RBM20: variants seen among roughly 807,000 people sequenced by gnomAD.
RBM20 encodes RNA binding motif protein 20.
A neutral mutation model predicts 110.1 loss-of-function variants in RBM20; 51 were observed. That is an observed-to-expected ratio of 0.46 (90% CI 0.37 to 0.59). The LOEUF is 0.59. Ranked by LOEUF, RBM20 falls within the 20% of genes least tolerant of loss-of-function variation. The probability of loss-of-function intolerance (pLI) is 0.00; values close to 1 mark genes in which losing one functional copy is unlikely to be tolerated. For synonymous variants in RBM20, 589 were observed against 618.2 expected, an observed-to-expected ratio of 0.95 and a Z score of 0.70; for missense variants, 1,512 against 1,574.9, an observed-to-expected ratio of 0.96 and a Z score of 0.68.
At chr10:110,769,877 C>G (rs10885042) in intron 1 of RBM20, among the ~76,000 whole-genome samples, 1 of 151,588 alleles carries the variant, frequency 6.6e-6, no homozygotes, top group African/African-American at 2.4e-5. Flanking sequence ...CGCCACCATG[C>G]CTGGCCAATC....
In RBM20 at chr10:110,797,296, A is replaced by AAT. The variant is rs368264922; in HGVS notation, c.1528-198_1528-197dup. Among the ~76,000 whole-genome samples, 3,176 of 151,490 alleles carry AAT rather than the reference A, an allele frequency of 0.021. 107 individuals are homozygous for AAT. Among genetic ancestry groups the AAT allele is most frequent in the African/African-American group, 0.072 (2,957 of 41,298 alleles). On this transcript the variant is annotated intron_variant, in intron 5 of 13. Coordinates refer to ENST00000369519, the MANE Select transcript of RBM20 (RefSeq NM_001134363.3). Reference sequence around the variant, plus strand: ...GATGGGAGTGAGACCCGGTCTCAAAAATATATATATATATAATGAATCCTT... The same window carrying AAT: ...GATGGGAGTGAGACCCGGTCTCAAAAATATATATATATATATAATGAATCCTT...
chr10:110,805,027 G>C (rs768101453), intron 7 of RBM20, among the ~76,000 whole-genome samples: 1 of 152,218 alleles, frequency 6.6e-6, no homozygotes, highest in Non-Finnish European at 1.5e-5. Flanking sequence ...CTTGTGAATG[G>C]TCCATGGTGC....
At chr10:110,655,769 T>C (rs75401131) in intron 1 of RBM20, among the ~76,000 whole-genome samples, 2,005 of 152,326 alleles carry the variant, frequency 0.013, 48 homozygotes, top group African/African-American at 0.046. Flanking sequence ...TGGGGAAGGA[T>C]TGTGCCTTTT....
chr10:110,681,140 C>A (rs564736076), intron 1 of RBM20, among the ~76,000 whole-genome samples: 4 of 152,296 alleles, frequency 2.6e-5, no homozygotes, highest in African/African-American at 9.6e-5. Flanking sequence ...GAGACCTCTG[C>A]AGAAGGCATT....
chr10:110,704,849 C>T (rs1444039102), intron 1 of RBM20, among the ~76,000 whole-genome samples: 4 of 152,070 alleles, frequency 2.6e-5, no homozygotes, highest in Admixed American at 6.5e-5. Context: ...TTGGTGCCAC[C>T]GATGGCTGAG....
intron 1 of RBM20, among the ~76,000 whole-genome samples, chr10:110,666,698 C>T (rs1179185009): frequency 2.7e-5 from 3 of 109,144 alleles, no homozygotes; most frequent in Non-Finnish European, 5.7e-5. Context: ...AGGCTGAGAT[C>T]CTAACTCACA....
chr10:110,676,212 G>A (rs1466039288), intron 1 of RBM20, among the ~76,000 whole-genome samples: 1 of 152,170 alleles, frequency 6.6e-6, no homozygotes, highest in Non-Finnish European at 1.5e-5. Flanking sequence ...CATAAAATCT[G>A]GTGCCAATTG....
intron 1 of RBM20, among the ~76,000 whole-genome samples, chr10:110,743,541 TACACACACAC>T (rs56256343): frequency 2.0e-5 from 3 of 150,488 alleles, no homozygotes; most frequent in South Asian, 4.2e-4. Context: ...AGTTTATACA[TACACACACAC>T]ACACACACAA....
rs1421547378 is a variant in RBM20, at chr10:110,835,956, G to A, written c.3662G>A (p.Arg1221His). ...CCAGAGGACAGCGGAATCGTGCCAC[G>A]CTTCGAAAGGAAAAAGCTCTGATGC... ...PRPEDSGIVP[R>H]FERKKL The change falls in exon 14 of 14, where the codon CGC becomes CAC. Residue 1221 changes from arginine (R) to histidine (H), a missense_variant. Arg to His is a conservative substitution (Grantham distance 29). Around this residue, in one of 3 missense-constraint regions of RBM20, gnomAD observed 358 missense variants for 384.2 expected, o/e 0.93. Coordinates refer to ENST00000369519, the MANE Select transcript of RBM20 (RefSeq NM_001134363.3). 3.3e-5 allele frequency: 44 copies of A among 1,318,556 alleles called. No individual in the cohort carries two copies. Among genetic ancestry groups the A allele is most frequent in the Non-Finnish European group, 4.1e-5 (39 of 940,084 alleles). 81.7% of individuals were successfully genotyped at this position (1,318,556 alleles called of 1,614,324 possible).
intron 1 of RBM20, among the ~76,000 whole-genome samples, chr10:110,770,107 A>T (rs1490523052): frequency 6.6e-6 from 1 of 152,118 alleles, no homozygotes; most frequent in Non-Finnish European, 1.5e-5. Context: ...CCTCACCTGG[A>T]CTTGTTAGAA....
chr10:110,696,241 C>T (rs1181242227), intron 1 of RBM20, among the ~76,000 whole-genome samples: 4 of 152,192 alleles, frequency 2.6e-5, no homozygotes, highest in Non-Finnish European at 4.4e-5. Flanking sequence ...GCAAGAGAAT[C>T]GCATTTTAAA....
chr10:110,733,142 C>T (rs1269904200), intron 1 of RBM20, among the ~76,000 whole-genome samples: 1 of 152,152 alleles, frequency 6.6e-6, no homozygotes, highest in East Asian at 1.9e-4. Flanking sequence ...TCCGTACAGC[C>T]AGCGACAAAC....
intron 1 of RBM20, among the ~76,000 whole-genome samples, chr10:110,683,488 GTTA>G (rs1406035987): frequency 2.6e-5 from 4 of 152,202 alleles, no homozygotes; most frequent in Admixed American, 6.5e-5. Context: ...AGTGGTTCCA[GTTA>G]TTATCTCTCC....
At chr10:110,674,032 C>T (rs1288986266) in intron 1 of RBM20, among the ~76,000 whole-genome samples, 1 of 152,160 alleles carries the variant, frequency 6.6e-6, no homozygotes, top group East Asian at 1.9e-4. Context: ...TTCTAATCCT[C>T]CTTCCTGCAT....
Position 110,838,037 on chromosome 10 carries a change from A to G in RBM20, c.*2059A>G, listed in dbSNP as rs1479148059. The G allele has an allele frequency of 1.3e-5, 2 of 152,220 alleles. No homozygotes were observed. The highest frequency in any genetic ancestry group is 4.8e-5 in the African/African-American group (2 of 41,452). 9.4% of individuals were successfully genotyped at this position (152,220 alleles called of 1,614,324 possible). A position where few individuals can be genotyped will look rare whatever the true frequency, so the allele number is the denominator to read the frequency against. ...AGAGAGAAAGAATAGCCAAATCCCCAAACAGGCCAGTTTTAACCAGCATGA... is the reference window on the plus strand; with the variant it reads ...AGAGAGAAAGAATAGCCAAATCCCCGAACAGGCCAGTTTTAACCAGCATGA... On this transcript the variant is annotated 3_prime_UTR_variant, in exon 14 of 14. Transcript: ENST00000369519.
intron 13 of RBM20, among the ~76,000 whole-genome samples, chr10:110,833,430 C>G (rs950654410): frequency 6.8e-6 from 1 of 146,476 alleles, no homozygotes; most frequent in Non-Finnish European, 1.5e-5. Flanking sequence ...CTGGCTCTCA[C>G]CCTACTCTTG....
Position 110,804,983 on chromosome 10 carries a change from G to A in RBM20, c.1800+5065G>A, listed in dbSNP as rs576397970. On this transcript the variant is annotated intron_variant, in intron 7 of 13. Transcript: ENST00000369519. ...AGCCATTGGTCTTGCCAGCCTCCTC[G>A]CTACAGAGAGGGCTTCTGGCCCTGG... Among the ~76,000 whole-genome samples the A allele has an allele frequency of 1.5e-3, 235 of 152,260 alleles. 2 individuals are homozygous for A. The highest frequency in any genetic ancestry group is 3.4e-3 in the Middle Eastern group (1 of 294).
intron 1 of RBM20, among the ~76,000 whole-genome samples, chr10:110,773,136 A>G (rs1311147446): frequency 6.6e-6 from 1 of 152,232 alleles, no homozygotes; most frequent in Non-Finnish European, 1.5e-5. Context: ...GTTAGAGGAA[A>G]CTTGGTAGGT....
At chr10:110,683,818 CTG>C (rs1269250090) in intron 1 of RBM20, among the ~76,000 whole-genome samples, 1 of 152,062 alleles carries the variant, frequency 6.6e-6, no homozygotes, top group African/African-American at 2.4e-5. Flanking sequence ...CTTAAGGTAA[CTG>C]TATGGAAGAT....
Sources: gnomAD v4.1 joint callset for allele counts (sites outside exome capture counted in the v4.1 genomes callset) on GRCh38, gnomAD v4.1.1 for gene constraint, gnomAD v4.1.1 regional missense constraint, MANE v1.5 for transcripts, NCBI Gene and HGNC (gene_info 2026-07-23, HGNC 2026-07-21) for gene names.